The following LTBP1 variants were observed in gnomAD, a reference collection of about 807,000 sequenced individuals.
LTBP1 encodes the protein latent-transforming growth factor beta-binding protein 1.
In LTBP1, 129 loss-of-function variants were observed where a neutral mutation model predicts 207.6. That is an observed-to-expected ratio of 0.62 (90% CI 0.54 to 0.72). LTBP1 has a LOEUF of 0.72. Among genes scored for constraint, LTBP1 ranks in the 30% least tolerant of loss-of-function variants. LTBP1 has a pLI of 0.00. For missense variants in LTBP1, 2,281 were observed against 2,217.2 expected (o/e 1.03, Z -0.58); for synonymous variants, 963 against 833.7 (o/e 1.16, Z -2.67).
chr2:33,357,598 A>G (rs1055704592), intron 26 of LTBP1, among the ~76,000 whole-genome samples: 2 of 152,162 alleles, frequency 1.3e-5, no homozygotes, highest in Non-Finnish European at 2.9e-5. Context: ...GCCTCTGTAA[A>G]AGTTCCTACA....
At chr2:33,069,866 C>T (rs1226695443) in intron 3 of LTBP1, among the ~76,000 whole-genome samples, 3 of 152,174 alleles carry the variant, frequency 2.0e-5, no homozygotes, top group African/African-American at 4.8e-5. Context: ...CGGTATTCCC[C>T]GAAGAGCTCT....
intron 32 of LTBP1, among the ~76,000 whole-genome samples, chr2:33,390,638 C>G (rs1454966588): frequency 1.3e-5 from 2 of 152,002 alleles, no homozygotes; most frequent in Admixed American, 1.3e-4. Context: ...CAGGCACGTG[C>G]CACTATGTGC....
At chr2:33,184,493 C>G (rs1158395247) in intron 5 of LTBP1, among the ~76,000 whole-genome samples, 1 of 152,186 alleles carries the variant, frequency 6.6e-6, no homozygotes, top group African/African-American at 2.4e-5. Flanking sequence ...CTGATGTTGT[C>G]TGAATCTTGA....
intron 25 of LTBP1, among the ~76,000 whole-genome samples, chr2:33,346,001 T>C (rs2094696423): frequency 6.6e-6 from 1 of 152,244 alleles, no homozygotes; most frequent in Non-Finnish European, 1.5e-5. Context: ...GCTGTGTACT[T>C]GCAAAATGTT....
At chr2:33,166,845 T>C (rs2084962020) in intron 5 of LTBP1, among the ~76,000 whole-genome samples, 1 of 152,240 alleles carries the variant, frequency 6.6e-6, no homozygotes, top group African/African-American at 2.4e-5. Context: ...TGGCCCTGAA[T>C]AGCGTTAGCA....
intron 15 of LTBP1, among the ~76,000 whole-genome samples, chr2:33,272,443 G>A (rs1022529043): frequency 1.3e-5 from 2 of 152,130 alleles, no homozygotes; most frequent in Admixed American, 6.5e-5. Flanking sequence ...TTTACTATAC[G>A]ATGACAGATA....
At chr2:33,266,659 T>A (rs531805620) in intron 15 of LTBP1, among the ~76,000 whole-genome samples, 12 of 152,076 alleles carry the variant, frequency 7.9e-5, no homozygotes, top group African/African-American at 2.9e-4. Flanking sequence ...ATGTCAGGAG[T>A]ACCAGCTGTG....
chr2:33,217,699 C>A, intron 8 of LTBP1, 45 bp downstream of exon 8: 3 of 1,385,914 alleles, frequency 2.2e-6, no homozygotes, highest in East Asian at 2.3e-5. Flanking sequence ...TGTAGCATAT[C>A]TGTTTTTTAT....
intron 5 of LTBP1, among the ~76,000 whole-genome samples, chr2:33,175,468 C>A (rs4670754): frequency 0.51 from 77,362 of 151,294 alleles, 19,957 homozygotes; most frequent in Non-Finnish European, 0.52. Flanking sequence ...CATCTCACAC[C>A]AGTTAGAATG....
At chr2:33,375,068 A>G (rs770410969) in intron 31 of LTBP1, among the ~76,000 whole-genome samples, 5 of 152,264 alleles carry the variant, frequency 3.3e-5, no homozygotes, top group Non-Finnish European at 7.3e-5. Context: ...AATAAAATTC[A>G]TTAGTGAATT....
At chr2:33,092,698 G>T (rs1411615983) in intron 3 of LTBP1, among the ~76,000 whole-genome samples, 1 of 152,152 alleles carries the variant, frequency 6.6e-6, no homozygotes, top group Non-Finnish European at 1.5e-5. Flanking sequence ...TAGTTTAAAT[G>T]GAAGGAGTAT....
chr2:33,067,245 A>C (rs921142557), intron 3 of LTBP1, among the ~76,000 whole-genome samples: 2 of 152,226 alleles, frequency 1.3e-5, no homozygotes, highest in African/African-American at 2.4e-5. Flanking sequence ...TGGCTTTGGA[A>C]ATTAGCTTTA....
At chr2:32,989,984 A>C (rs957191557) in intron 2 of LTBP1, among the ~76,000 whole-genome samples, 2 of 152,202 alleles carry the variant, frequency 1.3e-5, no homozygotes, top group Non-Finnish European at 2.9e-5. Flanking sequence ...TAGCACCTGT[A>C]ATTTCAGCTA....
intron 24 of LTBP1, among the ~76,000 whole-genome samples, chr2:33,333,725 G>A (rs1056631744): frequency 6.6e-6 from 1 of 152,164 alleles, no homozygotes; most frequent in South Asian, 2.1e-4. Flanking sequence ...CCATGTGGGT[G>A]TGTCCCATAG....
intron 4 of LTBP1, among the ~76,000 whole-genome samples, chr2:33,133,774 G>T (rs149541251): frequency 1.1e-4 from 17 of 152,300 alleles, no homozygotes; most frequent in African/African-American, 3.8e-4. Context: ...TGATAGAGAC[G>T]TTGAAAGTTA....
At chr2:33,366,072 G>A (rs1470762782) in intron 31 of LTBP1, among the ~76,000 whole-genome samples, 2 of 152,202 alleles carry the variant, frequency 1.3e-5, no homozygotes, top group African/African-American at 4.8e-5. Context: ...GAAAAGATGA[G>A]ACAGGCTAAG....
intron 9 of LTBP1, among the ~76,000 whole-genome samples, chr2:33,228,012 G>A (rs765960961): frequency 1.4e-4 from 21 of 151,730 alleles, no homozygotes; most frequent in Non-Finnish European, 2.8e-4. Flanking sequence ...TCACTGTGTT[G>A]GCCAGGAATG....
chr2:33,330,458 A>G (rs1573871280), intron 24 of LTBP1, among the ~76,000 whole-genome samples: 1 of 151,528 alleles, frequency 6.6e-6, no homozygotes, highest in East Asian at 1.9e-4. Flanking sequence ...CAGCAAAGAC[A>G]TTTAATATGA....
intron 25 of LTBP1, among the ~76,000 whole-genome samples, chr2:33,343,953 T>C (rs1301620910): frequency 6.6e-6 from 1 of 152,214 alleles, no homozygotes; most frequent in Admixed American, 6.5e-5. Context: ...TTTTCTTTAT[T>C]CTTAGAGAAA....
Sources: gnomAD v4.1 joint callset for allele counts (sites outside exome capture counted in the v4.1 genomes callset) on GRCh38, gnomAD v4.1.1 for gene constraint, MANE v1.5 for transcripts, NCBI Gene and HGNC (gene_info 2026-07-23, HGNC 2026-07-21) for gene names.